Variants in BST1 observed in about 807,000 individuals in gnomAD.
The protein encoded by BST1 is ADP-ribosyl cyclase/cyclic ADP-ribose hydrolase 2.
A neutral mutation model predicts 40.6 loss-of-function variants in BST1; 49 were observed. The ratio of observed to expected loss-of-function variants is 1.21; its 90% confidence interval spans 0.96 to 1.53. The LOEUF is 1.53. BST1 is among the 40% of genes most tolerant of loss of function. BST1 has a pLI of 0.00. For synonymous variants in BST1, 157 were observed against 159.3 expected (o/e 0.99, Z 0.11); for missense variants, 423 against 395.9 (o/e 1.07, Z -0.58).
At chr4:15,747,699 T>C in the BST1 span, among the ~76,000 whole-genome samples, 2 of 152,294 alleles carry the variant, frequency 1.3e-5, no homozygotes, top group South Asian at 4.1e-4. Flanking sequence ...AGAGACAAGT[T>C]CCTACCTTCT....
chr4:15,725,635 T>C (rs915018775), intron 8 of BST1, among the ~76,000 whole-genome samples: 1 of 152,190 alleles, frequency 6.6e-6, no homozygotes, highest in East Asian at 1.9e-4. Context: ...GCTTCTCATC[T>C]GGAATGTTTA....
At chr4:15,739,913 G>A (rs1464629989), downstream of BST1, among the ~76,000 whole-genome samples, 2 of 151,882 alleles carry the variant, frequency 1.3e-5, no homozygotes, top group Non-Finnish European at 2.9e-5. Flanking sequence ...AGGAGAGGGA[G>A]ACATTGACAG....
At chr4:15,744,252 G>C in the BST1 span, among the ~76,000 whole-genome samples, 4 of 152,184 alleles carry the variant, frequency 2.6e-5, no homozygotes, top group African/African-American at 9.7e-5. Context: ...ATAAAGAGCA[G>C]CTCGAGACTG....
downstream of BST1, among the ~76,000 whole-genome samples, chr4:15,735,049 C>T (rs1368598282): frequency 6.6e-6 from 1 of 152,188 alleles, no homozygotes; most frequent in African/African-American, 2.4e-5. Flanking sequence ...GCTCCTCTAA[C>T]CAAGTTGCTT....
the BST1 span, among the ~76,000 whole-genome samples, chr4:15,752,563 T>C: frequency 4.6e-5 from 7 of 151,974 alleles, no homozygotes; most frequent in South Asian, 1.0e-3. Flanking sequence ...TAATTTTGTA[T>C]TTTTAGTAGA....
At chr4:15,724,728 G>C (rs1721006833) in intron 8 of BST1, among the ~76,000 whole-genome samples, 1 of 151,310 alleles carries the variant, frequency 6.6e-6, no homozygotes, top group Non-Finnish European at 1.5e-5. Flanking sequence ...GAGAGAGAAA[G>C]AGAGCACATG....
the BST1 span, among the ~76,000 whole-genome samples, chr4:15,757,308 G>A: frequency 0.091 from 13,874 of 152,154 alleles, 672 homozygotes; most frequent in Non-Finnish European, 0.1. Flanking sequence ...CTAATCTGTT[G>A]TGTGCTGATT....
chr4:15,754,114 C>G, the BST1 span, among the ~76,000 whole-genome samples: 1 of 152,146 alleles, frequency 6.6e-6, no homozygotes, highest in African/African-American at 2.4e-5. Context: ...TCGTGTGTAT[C>G]ATCAGTGGAG....
chr4:15,713,206 C>CCT (rs755917268), intron 4 of BST1, among the ~76,000 whole-genome samples: 3 of 114,746 alleles, frequency 2.6e-5, no homozygotes, highest in African/African-American at 9.9e-5. Context: ...ATATTTTCAT[C>CCT]TTTTTTTTTT....
At chr4:15,713,980 A>G (rs1720367785) in intron 4 of BST1, among the ~76,000 whole-genome samples, 1 of 151,988 alleles carries the variant, frequency 6.6e-6, no homozygotes, top group Non-Finnish European at 1.5e-5. Flanking sequence ...CTGAGATTAC[A>G]GGTGTGAGCC....
chr4:15,704,783 C>A, intron 1 of BST1: 1 of 669,336 alleles, frequency 1.5e-6, no homozygotes, highest in Non-Finnish European at 2.7e-6. Flanking sequence ...TCCCCTAAAT[C>A]TGGAGGATTT....
Position 15,705,518 on chromosome 4 carries a change from CAAG to C in BST1, c.195_197del (p.Lys65del). On this transcript the variant is annotated inframe_deletion, in exon 2 of 9. Coordinates refer to ENST00000265016, the MANE Select transcript of BST1 (RefSeq NM_004334.3). ...CCCAACTTGTACTTTTGCACAGGAA[CAAG>C]AACTGCACAGCCATCTGGGAAGCCT... 1 of 1,577,364 alleles carries C rather than the reference CAAG, an allele frequency of 6.3e-7. No individual in the cohort carries two copies. The highest frequency in any genetic ancestry group is 8.6e-7 in the Non-Finnish European group (1 of 1,164,568).
the BST1 span, among the ~76,000 whole-genome samples, chr4:15,765,598 T>G: frequency 6.6e-6 from 1 of 152,020 alleles, no homozygotes; most frequent in South Asian, 2.1e-4. Context: ...CTCCTTGTTC[T>G]TCCTGTGCCA....
chr4:15,772,424 A>C, the BST1 span, among the ~76,000 whole-genome samples: 2 of 152,342 alleles, frequency 1.3e-5, no homozygotes, highest in South Asian at 4.1e-4. Context: ...CACATTTCTC[A>C]GTCATTCACT....
At chr4:15,764,873 GGT>G in the BST1 span, among the ~76,000 whole-genome samples, 3,488 of 136,980 alleles carry the variant, frequency 0.025, 59 homozygotes, top group Non-Finnish European at 0.038. Context: ...AATTAGGTGA[GGT>G]GTGTGTGTGT....
At chr4:15,768,408 A>G in the BST1 span, among the ~76,000 whole-genome samples, 1 of 152,062 alleles carries the variant, frequency 6.6e-6, no homozygotes, top group Non-Finnish European at 1.5e-5. Context: ...GAGAGTTTGA[A>G]AGTTGTTGTA....
At chr4:15,770,022 T>G in the BST1 span, among the ~76,000 whole-genome samples, 1 of 152,188 alleles carries the variant, frequency 6.6e-6, no homozygotes, top group African/African-American at 2.4e-5. Flanking sequence ...GTATTTTCAG[T>G]AGAGACGTGG....
chr4:15,757,589 C>T, the BST1 span, among the ~76,000 whole-genome samples: 1 of 152,086 alleles, frequency 6.6e-6, no homozygotes, highest in African/African-American at 2.4e-5. Context: ...CATTTCTTTC[C>T]ATTAATATTA....
In BST1 at chr4:15,723,503, C is replaced by T. The variant is rs555888751; in HGVS notation, c.851+569C>T. On this transcript the variant is annotated intron_variant, in intron 8 of 8. Coordinates refer to ENST00000265016, the MANE Select transcript of BST1 (RefSeq NM_004334.3). ...GGCCTTGTGATCCGCCTTCCTTGGC[C>T]TCCTAAAGTGCTGGGATTACAGGCG... is the stretch of plus-strand genomic sequence containing the variant. The T allele has an allele frequency of 7.7e-5, 74 of 959,458 alleles. No homozygotes were observed. The African/African-American group carries it at 1.1e-3, about 15-fold the overall frequency. The allele number at this position is 959,458 out of a possible 1,614,324, so 59.4% of individuals were successfully genotyped here.
Sources: allele counts gnomAD v4.1 joint callset (sites outside exome capture counted in the v4.1 genomes callset), GRCh38; gene constraint gnomAD v4.1.1; transcripts MANE v1.5; gene names NCBI Gene and HGNC (gene_info 2026-07-23, HGNC 2026-07-21).